The following ADGRL4 variants were observed in gnomAD, a reference collection of about 807,000 sequenced individuals.
ADGRL4 encodes the protein EGF, latrophilin and seven transmembrane domain containing 1.
ADGRL4 carries 90 observed loss-of-function variants against 74.8 expected under a neutral mutation model. The ratio of observed to expected loss-of-function variants is 1.20; its 90% CI spans 1.02 to 1.43. The LOEUF (loss-of-function observed/expected upper bound fraction) is 1.43, where lower values mean the gene tolerates loss of function less well. Among genes scored for constraint, ADGRL4 ranks in the 40% most tolerant of loss-of-function variants. The pLI is 0.00. For missense variants in ADGRL4, 881 were observed against 814.3 expected, an observed-to-expected ratio of 1.08 and a Z score of -1.00; for synonymous variants, 311 against 279.2, an observed-to-expected ratio of 1.11 and a Z score of -1.14.
At chr1:78,920,677 A>G (rs914400178) in intron 9 of ADGRL4, among the ~76,000 whole-genome samples, 2 of 151,878 alleles carry the variant, frequency 1.3e-5, no homozygotes, top group Non-Finnish European at 2.9e-5. Flanking sequence ...TATCGTCATT[A>G]ATTTCACTAC....
chr1:78,977,467 C>T (rs1302554202), intron 2 of ADGRL4, among the ~76,000 whole-genome samples: 7 of 151,800 alleles, frequency 4.6e-5, no homozygotes. Context: ...GCAAATTTGT[C>T]CACAATGAAG....
intron 2 of ADGRL4, among the ~76,000 whole-genome samples, chr1:78,971,971 TCTCCAACTCCTGAC>T (rs1434409310): frequency 1.3e-5 from 2 of 152,046 alleles, no homozygotes; most frequent in East Asian, 3.9e-4. Context: ...GTCAGGCTGA[TCTCCAACTCCTGAC>T]CTTAGGTGAT....
chr1:78,986,045 T>C (rs965373999), intron 2 of ADGRL4, among the ~76,000 whole-genome samples: 3 of 151,580 alleles, frequency 2.0e-5, no homozygotes, highest in African/African-American at 7.3e-5. Context: ...GGAGGAGGGT[T>C]AGGATCGAAA....
intron 3 of ADGRL4, among the ~76,000 whole-genome samples, chr1:78,945,151 C>G (rs550015597): frequency 1.8e-5 from 2 of 110,790 alleles, no homozygotes; most frequent in South Asian, 3.0e-4. Context: ...GGCGACAGAG[C>G]GAGACTCTGT....
chr1:78,986,245 A>G (rs1441816968), intron 2 of ADGRL4, among the ~76,000 whole-genome samples: 3 of 151,808 alleles, frequency 2.0e-5, no homozygotes, highest in Non-Finnish European at 1.5e-5. Context: ...CTTTTGAAAA[A>G]AAATGTGATT....
intron 12 of ADGRL4, among the ~76,000 whole-genome samples, chr1:78,909,368 G>T (rs559244459): frequency 2.6e-5 from 4 of 151,948 alleles, no homozygotes; most frequent in African/African-American, 9.6e-5. Flanking sequence ...TAGGCTAGTG[G>T]TTCCCAGTGA....
chr1:78,907,455 G>A (rs1479434369), intron 12 of ADGRL4, among the ~76,000 whole-genome samples: 1 of 151,830 alleles, frequency 6.6e-6, no homozygotes, highest in African/African-American at 2.4e-5. Context: ...AAATCCATAA[G>A]GTTTTTGTTT....
intron 2 of ADGRL4, among the ~76,000 whole-genome samples, chr1:78,950,231 C>T (rs183605581): frequency 2.0e-5 from 3 of 151,992 alleles, no homozygotes; most frequent in Non-Finnish European, 4.4e-5. Context: ...AAGGGGTCCC[C>T]ACAATCCAAT....
chr1:78,977,278 G>A (rs1650304283), intron 2 of ADGRL4, among the ~76,000 whole-genome samples: 1 of 151,726 alleles, frequency 6.6e-6, no homozygotes, highest in African/African-American at 2.4e-5. Context: ...CTTTACCAAA[G>A]GACATCCATC....
intron 7 of ADGRL4, among the ~76,000 whole-genome samples, chr1:78,929,498 A>T (rs1649195160): frequency 6.6e-6 from 1 of 151,504 alleles, no homozygotes; most frequent in South Asian, 2.1e-4. Flanking sequence ...CCTGGGCAAC[A>T]GGGTGAGGCC....
intron 8 of ADGRL4, among the ~76,000 whole-genome samples, chr1:78,924,578 T>G (rs1014216222): frequency 6.6e-6 from 1 of 152,018 alleles, no homozygotes; most frequent in Non-Finnish European, 1.5e-5. Flanking sequence ...AAAGGATGTC[T>G]CCAAGACAAC....
chr1:78,956,825 A>G lies in ADGRL4; in HGVS notation c.173-10399T>C, dbSNP rs867872594. Among the ~76,000 whole-genome samples, 133 of 152,298 alleles carry G rather than the reference A, an allele frequency of 8.7e-4. 1 individual carries two copies. The highest frequency in any genetic ancestry group is 2.9e-3 in the African/African-American group (122 of 41,578). On this transcript the variant is annotated intron_variant, in intron 2 of 14. Transcript: ENST00000370742. Reference sequence around the variant, plus strand: ...GCATTGTGTCCTTCAGAAAACAGAAATGAGTACAGGCATACCTTGTCTTAC... The same window carrying G: ...GCATTGTGTCCTTCAGAAAACAGAAGTGAGTACAGGCATACCTTGTCTTAC...
chr1:78,925,950 A>G (rs1340536718), intron 8 of ADGRL4, among the ~76,000 whole-genome samples: 1 of 152,066 alleles, frequency 6.6e-6, no homozygotes, highest in East Asian at 1.9e-4. Context: ...TTTGGTTTCC[A>G]GTCTTAAGCA....
Position 78,932,646 on chromosome 1 carries a change from G to C in ADGRL4, c.877+3649C>G, listed in dbSNP as rs187565487. On this transcript the variant is annotated intron_variant, in intron 7 of 14. Transcript: ENST00000370742. ...AAAAAAACAATGAATCCAGAAGCTGGTTAAAAAAAAATTAACAAAATAGAC... is the reference window on the plus strand; with the variant it reads ...AAAAAAACAATGAATCCAGAAGCTGCTTAAAAAAAAATTAACAAAATAGAC... Among the ~76,000 whole-genome samples, 972 of 141,598 alleles carry C rather than the reference G, an allele frequency of 6.9e-3. 8 individuals are homozygous for C. Among genetic ancestry groups the C allele is most frequent in the Non-Finnish European group, 0.011 (699 of 65,482 alleles). 92.9% of individuals were successfully genotyped at this position (141,598 alleles called of 152,430 possible).
At chr1:78,932,167 A>G (rs980984741) in intron 7 of ADGRL4, among the ~76,000 whole-genome samples, 5 of 151,538 alleles carry the variant, frequency 3.3e-5, no homozygotes, top group Admixed American at 1.3e-4. Context: ...AAAATCGACT[A>G]CATAACTGGA....
At chr1:78,983,600 T>G (rs1179498717) in intron 2 of ADGRL4, among the ~76,000 whole-genome samples, 1 of 151,768 alleles carries the variant, frequency 6.6e-6, no homozygotes, top group Non-Finnish European at 1.5e-5. Context: ...AAGAAACATA[T>G]AACAGAAAGA....
chr1:78,999,489 C>A (rs1412732), intron 2 of ADGRL4, among the ~76,000 whole-genome samples: 66,428 of 151,916 alleles, frequency 0.44, 14,561 homozygotes, highest in East Asian at 0.59. Context: ...GGGAGAATGG[C>A]GTGAACCCAG....
chr1:78,938,268 T>C lies in ADGRL4; in HGVS notation c.408A>G (p.Ile136Met), dbSNP rs1247021847. The change falls in exon 5 of 15, where the codon ATA becomes ATG. Residue 136 changes from isoleucine to methionine, a missense_variant. By Grantham distance (10) the Ile-to-Met change is conservative (BLOSUM62 1). Coordinates refer to ENST00000370742, the MANE Select transcript of ADGRL4 (RefSeq NM_022159.4). The stretch of plus-strand genomic sequence containing the variant: ...CTTGTAGCAAAGCCACAGGTTCTTT[T>C]ATGGATCTGATCTGAGAAAAAATGA... ...INKTLTKIRSIKEPVALLQEV... is the reference protein window; with the variant it reads ...INKTLTKIRSMKEPVALLQEV... 2 of 1,600,038 alleles carry C rather than the reference T, an allele frequency of 1.2e-6. No individual in the cohort carries two copies. Among genetic ancestry groups the C allele is most frequent in the African/African-American group, 1.4e-5 (1 of 74,066 alleles).
Position 78,915,523 on chromosome 1 carries a change from A to G in ADGRL4, c.1749+2111T>C, listed in dbSNP as rs139961606. On this transcript the variant is annotated intron_variant, in intron 12 of 14. Transcript: ENST00000370742. ...ATTTTTTCTTATTGGTAGAGAAAAG[A>G]AAAACTTCTAATAGAGAACATTGTC... Among the ~76,000 whole-genome samples the G allele has an allele frequency of 2.4e-3, 363 of 151,996 alleles. 1 individual carries two copies. In the East Asian group the frequency reaches 0.031, roughly 13 times the overall value.
Sources: gnomAD v4.1 joint callset for allele counts (sites outside exome capture counted in the v4.1 genomes callset) on GRCh38, gnomAD v4.1.1 for gene constraint, MANE v1.5 for transcripts, NCBI Gene and HGNC (gene_info 2026-07-23, HGNC 2026-07-21) for gene names.